Variants in CEP112 observed in about 807,000 individuals in gnomAD.
The protein encoded by CEP112 is centrosomal protein 112, also known as centrosomal protein of 112 kDa.
Under a neutral mutation model 153.0 loss-of-function variants are expected in CEP112, and 127 were observed. That is an observed-to-expected ratio of 0.83 (90% CI 0.72 to 0.96). The LOEUF is 0.96. Among genes scored for constraint, CEP112 ranks in the 40% least tolerant of loss-of-function variants. The pLI is 0.00. For synonymous variants in CEP112, 358 were observed against 374.4 expected, an observed-to-expected ratio of 0.96 and a Z score of 0.51; for missense variants, 1,089 against 1,101.2, an observed-to-expected ratio of 0.99 and a Z score of 0.16.
intron 12 of CEP112, among the ~76,000 whole-genome samples, chr17:66,034,585 A>G (rs1305602721): frequency 3.1e-5 from 1 of 32,180 alleles, no homozygotes. Flanking sequence ...CTCTCTTTCT[A>G]CAATGTGAAT....
At position 65,926,713 on chromosome 17, in the gene CEP112, A is replaced by AAATAATAATAAT. The variant is rs369745977; in HGVS notation, c.1980+857_1980+868dup. On this transcript the variant is annotated intron_variant, in intron 19 of 26. Transcript: ENST00000535342. ...GGGTGAGAGAGTGAGACTCCTTCTC[A>AAATAATAATAAT]AATAATAATAATAATAATAATAATA... Among the ~76,000 whole-genome samples the AAATAATAATAAT allele has an allele frequency of 1.2e-3, 184 of 150,438 alleles. 1 individual carries two copies. The highest frequency in any genetic ancestry group is 4.2e-3 in the African/African-American group (172 of 40,614).
At chr17:65,978,450 T>G (rs1397650717) in intron 17 of CEP112, among the ~76,000 whole-genome samples, 1 of 152,222 alleles carries the variant, frequency 6.6e-6, no homozygotes, top group African/African-American at 2.4e-5. Context: ...CGTGCCAACT[T>G]TGCAATATTG....
chr17:65,922,797 A>G (rs1484341998), intron 19 of CEP112, among the ~76,000 whole-genome samples: 1 of 152,214 alleles, frequency 6.6e-6, no homozygotes, highest in Non-Finnish European at 1.5e-5. Context: ...TTTTTAATAC[A>G]AAATTACCTC....
rs185571145 is a variant in CEP112, at chr17:65,786,748, G to T, written c.2395-36024C>A. Among the ~76,000 whole-genome samples, 8 of 151,724 alleles carry T rather than the reference G, an allele frequency of 5.3e-5. No homozygotes were observed. The East Asian group carries it at 1.4e-3, about 26-fold the overall frequency. Reference sequence around the variant, plus strand: ...ACCACAGGCATGCACCACCACACCCGACGACCTTTTTATTTTTACTAGAGA... The same window carrying T: ...ACCACAGGCATGCACCACCACACCCTACGACCTTTTTATTTTTACTAGAGA... On this transcript the variant is annotated intron_variant, in intron 21 of 26. Transcript: ENST00000535342.
At chr17:66,009,582 T>C (rs2064425902) in intron 16 of CEP112, among the ~76,000 whole-genome samples, 1 of 152,192 alleles carries the variant, frequency 6.6e-6, no homozygotes, top group East Asian at 1.9e-4. Context: ...CTTTCAGGAT[T>C]TCTACAGTTT....
intron 16 of CEP112, among the ~76,000 whole-genome samples, chr17:66,017,291 A>G (rs2064812733): frequency 6.6e-6 from 1 of 152,174 alleles, no homozygotes; most frequent in South Asian, 2.1e-4. Flanking sequence ...GACACTGGTC[A>G]GTGTGCTAGC....
rs543663822 is a variant in CEP112, at chr17:65,736,856, G to A, written c.2607+6212C>T. The stretch of plus-strand genomic sequence containing the variant: ...TAATCTACCATTAACAGGATATTCC[G>A]GACAACTACTAGTCCAAGCTGACTG... On this transcript the variant is annotated intron_variant, in intron 23 of 26. Transcript: ENST00000535342. 7.2e-5 allele frequency among the ~76,000 whole-genome samples: 11 copies of A among 152,186 alleles called. No homozygotes were observed. In the East Asian group the frequency reaches 1.4e-3, roughly 19 times the overall value.
chr17:65,650,343 T>C (rs555011062), intron 24 of CEP112, among the ~76,000 whole-genome samples: 2 of 152,294 alleles, frequency 1.3e-5, no homozygotes, highest in South Asian at 2.1e-4. Flanking sequence ...ACAAGCCATA[T>C]AGCCCTGAGT....
chr17:66,066,580 GAC>G (rs3056817), intron 10 of CEP112, among the ~76,000 whole-genome samples, 196 bp downstream of exon 10: 149,644 of 150,872 alleles, frequency 0.99, 74,217 homozygotes, highest in Middle Eastern at 1. Flanking sequence ...CACACACACA[GAC>G]ACACACACAC....
chr17:65,742,156 C>A (rs551636935), intron 23 of CEP112, among the ~76,000 whole-genome samples: 1 of 151,934 alleles, frequency 6.6e-6, no homozygotes, highest in Non-Finnish European at 1.5e-5. Flanking sequence ...TAACTCTTCC[C>A]AACGTTACTC....
At chr17:66,089,861 C>G (rs1249477921) in intron 8 of CEP112, among the ~76,000 whole-genome samples, 1 of 152,028 alleles carries the variant, frequency 6.6e-6, no homozygotes, top group Non-Finnish European at 1.5e-5. Context: ...TTAATTCAAG[C>G]AAGACTATAC....
At chr17:65,826,076 A>G in intron 21 of CEP112, 2 of 1,535,922 alleles carry the variant, frequency 1.3e-6, no homozygotes, top group Admixed American at 3.4e-5. Context: ...CAGCTCAGCA[A>G]TGAGATTTAT....
chr17:65,643,299 T>C (rs1008391686), intron 24 of CEP112, among the ~76,000 whole-genome samples: 1 of 118,570 alleles, frequency 8.4e-6, no homozygotes. Context: ...GAATCCCTGG[T>C]ATTTTTTTTT....
chr17:65,916,287 G>GTGTGTGTGTGTGTGTGTATGTA lies in CEP112; in HGVS notation c.1980+11294_1980+11295insTACATACACACACACACACACA, dbSNP rs138734881. On this transcript the variant is annotated intron_variant, in intron 19 of 26. Coordinates refer to ENST00000535342, the MANE Select transcript of CEP112 (RefSeq NM_001199165.4). ...TGTGTGTGTGTGTGTGTGTGTGTGT[G>GTGTGTGTGTGTGTGTGTATGTA]TGTGTATGTGTGGTAGGAGTAGTGG... Among the ~76,000 whole-genome samples the GTGTGTGTGTGTGTGTGTATGTA allele has an allele frequency of 7.5e-5, 11 of 147,598 alleles. No individual in the cohort carries two copies. The South Asian group carries it at 8.8e-4, about 12-fold the overall frequency.
At position 65,803,618 on chromosome 17, in the gene CEP112, G is replaced by A. The variant is rs112559040; in HGVS notation, c.2394+48186C>T. The stretch of plus-strand genomic sequence containing the variant: ...CTCAAAATATAAATGACTGCACTAT[G>A]TAATCAAGTATCACATGCCATCTTA... On this transcript the variant is annotated intron_variant, in intron 21 of 26. Transcript: ENST00000535342. Among the ~76,000 whole-genome samples, 1,259 of 152,238 alleles carry A rather than the reference G, an allele frequency of 8.3e-3. 17 individuals carry two copies. Among genetic ancestry groups the A allele is most frequent in the African/African-American group, 0.029 (1,187 of 41,538 alleles).
chr17:66,123,378 A>T (rs2069688317), intron 6 of CEP112, among the ~76,000 whole-genome samples: 1 of 152,318 alleles, frequency 6.6e-6, no homozygotes, highest in Admixed American at 6.5e-5. Context: ...GAGAAACTTC[A>T]TCTTCTTTGC....
chr17:65,746,972 C>T (rs2051510607), intron 22 of CEP112, among the ~76,000 whole-genome samples: 1 of 151,788 alleles, frequency 6.6e-6, no homozygotes, highest in Non-Finnish European at 1.5e-5. Context: ...CTATTTTGAG[C>T]TGATGGTGTA....
chr17:65,916,502 A>G (rs1252392602), intron 19 of CEP112, among the ~76,000 whole-genome samples: 1 of 152,042 alleles, frequency 6.6e-6, no homozygotes, highest in Admixed American at 6.6e-5. Flanking sequence ...AGAAGGAATA[A>G]TGAGTTAGTC....
At chr17:66,130,196 TAAC>T (rs1244709713) in intron 5 of CEP112, among the ~76,000 whole-genome samples, 2 of 151,718 alleles carry the variant, frequency 1.3e-5, no homozygotes, top group African/African-American at 4.8e-5. Flanking sequence ...TGAGCTGCCT[TAAC>T]AATATATTCA....
Sources: gnomAD v4.1 joint callset for allele counts (sites outside exome capture counted in the v4.1 genomes callset) on GRCh38, gnomAD v4.1.1 for gene constraint, MANE v1.5 for transcripts, NCBI Gene and HGNC (gene_info 2026-07-23, HGNC 2026-07-21) for gene names.